The following ZNF608 variants were observed in gnomAD, a reference collection of about 807,000 sequenced individuals.
ZNF608 encodes renal carcinoma antigen NY-REN-36.
ZNF608 carries 12 observed loss-of-function variants against 109.0 expected under a neutral mutation model. The observed-to-expected ratio is 0.11, with a 90% CI of 0.07 to 0.18. The LOEUF is 0.18. Ranked by LOEUF, ZNF608 falls within the 10% of genes least tolerant of loss-of-function variation. The probability of loss-of-function intolerance (pLI) is 1.00; values close to 1 mark genes in which losing one functional copy is unlikely to be tolerated. For missense variants in ZNF608, 1,707 were observed against 1,879.3 expected, an observed-to-expected ratio of 0.91 and a Z score of 1.70; for synonymous variants, 732 against 717.4, an observed-to-expected ratio of 1.02 and a Z score of -0.33.
chr5:124,674,099 C>T (rs867641096), intron 3 of ZNF608, among the ~76,000 whole-genome samples: 2 of 152,162 alleles, frequency 1.3e-5, no homozygotes, highest in African/African-American at 2.4e-5. Context: ...TAAAAATCAT[C>T]GTGGAGCTTG....
chr5:124,664,582 C>T (rs1417485327), intron 3 of ZNF608, among the ~76,000 whole-genome samples: 1 of 152,114 alleles, frequency 6.6e-6, no homozygotes, highest in South Asian at 2.1e-4. Context: ...TCCTCAGAGC[C>T]TGTGTGTCAG....
chr5:124,642,214 TG>T (rs1243083952), intron 7 of ZNF608, among the ~76,000 whole-genome samples: 1 of 152,256 alleles, frequency 6.6e-6, no homozygotes, highest in African/African-American at 2.4e-5. Flanking sequence ...ATCCTATTTT[TG>T]TTTAGTCTCT....
At chr5:124,664,835 T>C (rs1213849712) in intron 3 of ZNF608, among the ~76,000 whole-genome samples, 1 of 152,198 alleles carries the variant, frequency 6.6e-6, no homozygotes, top group East Asian at 1.9e-4. Context: ...ATGATGATAG[T>C]GGTATGTTGG....
chr5:124,702,640 T>C (rs1753101114), intron 2 of ZNF608, among the ~76,000 whole-genome samples: 1 of 152,148 alleles, frequency 6.6e-6, no homozygotes, highest in Admixed American at 6.5e-5. Context: ...ATTTCTACAG[T>C]TTGCATTTCA....
At chr5:124,704,907 C>A (rs1753198251) in intron 2 of ZNF608, among the ~76,000 whole-genome samples, 1 of 152,024 alleles carries the variant, frequency 6.6e-6, no homozygotes. Flanking sequence ...GATGGCATCC[C>A]ACAAGCAGAA....
At chr5:124,699,825 T>C (rs1752981654) in intron 3 of ZNF608, among the ~76,000 whole-genome samples, 1 of 152,222 alleles carries the variant, frequency 6.6e-6, no homozygotes, top group South Asian at 2.1e-4. Flanking sequence ...TATCCTTAAC[T>C]ATTTTTTCTC....
At chr5:124,702,954 T>C (rs1433763813) in intron 2 of ZNF608, among the ~76,000 whole-genome samples, 1 of 152,156 alleles carries the variant, frequency 6.6e-6, no homozygotes, top group African/African-American at 2.4e-5. Context: ...AACAAAGGGG[T>C]TCTGAGAGAG....
At position 124,648,326 on chromosome 5, in the gene ZNF608, G is replaced by A. The variant is rs908770454; in HGVS notation, c.2058C>T (p.Cys686=). 10 of 1,614,082 alleles carry A rather than the reference G, an allele frequency of 6.2e-6. No individual in the cohort carries two copies. The highest frequency in any genetic ancestry group is 8.5e-6 in the Non-Finnish European group (10 of 1,180,042). Residue 686 remains cysteine (C), a synonymous_variant, in exon 5 of 10, where the codon TGC becomes TGT. Transcript: ENST00000513986. ...ISNMTAALDS[C]SAADGSLAAE... ...CAGCCAAACTGCCGTCTGCTGCCGA[G>A]CAACTGTCTAACGCAGCCGTCATGT...
chr5:124,691,703 A>G (rs950508653), intron 3 of ZNF608, among the ~76,000 whole-genome samples: 7 of 152,220 alleles, frequency 4.6e-5, no homozygotes, highest in African/African-American at 1.4e-4. Context: ...AGGATATTAC[A>G]TCAAGTGAAA....
intron 2 of ZNF608, among the ~76,000 whole-genome samples, chr5:124,708,358 G>A (rs751869441): frequency 1.3e-5 from 2 of 152,238 alleles, no homozygotes; most frequent in Non-Finnish European, 2.9e-5. Context: ...GTCACTCAGG[G>A]TCGGTGGCTG....
intron 3 of ZNF608, among the ~76,000 whole-genome samples, chr5:124,660,123 T>C (rs1283495348): frequency 1.3e-5 from 2 of 152,102 alleles, no homozygotes; most frequent in East Asian, 3.9e-4. Flanking sequence ...AAATTTAAAA[T>C]AGCAATTTAC....
intron 2 of ZNF608, among the ~76,000 whole-genome samples, chr5:124,713,267 T>C (rs1753571981): frequency 6.6e-6 from 1 of 152,232 alleles, no homozygotes. Context: ...TGAGCCTTTA[T>C]GAGAAGGAAT....
At chr5:124,717,988 C>T (rs534662385) in intron 2 of ZNF608, among the ~76,000 whole-genome samples, 1 of 152,178 alleles carries the variant, frequency 6.6e-6, no homozygotes, top group Non-Finnish European at 1.5e-5. Flanking sequence ...CACACCTTGA[C>T]GCAGGGGCTC....
At chr5:124,723,033 T>A (rs1368475667) in intron 2 of ZNF608, among the ~76,000 whole-genome samples, 12 of 137,162 alleles carry the variant, frequency 8.7e-5, no homozygotes, top group East Asian at 6.1e-4. Context: ...AAAAAAAAAA[T>A]TTTTTTTTTT....
intron 3 of ZNF608, among the ~76,000 whole-genome samples, chr5:124,658,868 G>C (rs1194459882): frequency 6.6e-6 from 1 of 152,138 alleles, no homozygotes; most frequent in African/African-American, 2.4e-5. Context: ...AAGGTATTTT[G>C]TAATTATTGA....
intron 3 of ZNF608, among the ~76,000 whole-genome samples, chr5:124,654,917 C>G (rs553601760): frequency 1.3e-5 from 2 of 152,254 alleles, no homozygotes; most frequent in African/African-American, 4.8e-5. Context: ...ATACATGGCC[C>G]CCATAATATT....
chr5:124,744,672 C>G lies in ZNF608; in HGVS notation c.318G>C (p.Val106=). ...NSHKETSKSK[V]KRSKTSKDAN... is the part of the protein sequence containing the mutation. Reference sequence around the variant, plus strand: ...CATCCTTAGAAGTTTTACTCCTTTTCACTTTTGATTTGCTGGTCTCTTTGT... The same window carrying G: ...CATCCTTAGAAGTTTTACTCCTTTTGACTTTTGATTTGCTGGTCTCTTTGT... Residue 106 remains valine, a synonymous_variant, in exon 2 of 10, where the codon GTG becomes GTC. Coordinates refer to ENST00000513986, the MANE Select transcript of ZNF608 (RefSeq NM_020747.3). This position sits in a 1 kb window ranked among gnomAD's most constrained non-coding sequence, Gnocchi z 4.5. 6.2e-7 allele frequency: 1 copy of G among 1,614,156 alleles called. No homozygotes were observed. The highest frequency in any genetic ancestry group is 8.5e-7 in the Non-Finnish European group (1 of 1,180,032).
rs769416527 is a variant in ZNF608 at position 124,648,078 on chromosome 5, G to A, written c.2306C>T (p.Pro769Leu). The A allele has an allele frequency of 6.2e-7, 1 of 1,614,170 alleles. No homozygotes were observed. The highest frequency in any genetic ancestry group is 1.1e-5 in the South Asian group (1 of 91,080). The part of the protein sequence containing the change: ...TTTTGTIPGL[P>L]SLTTTVVQAT... ...CTGAACAACAGTTGTTGTGAGGGAGGGCAGTCCGGGTATTGTCCCAGTGGT... is the reference window on the plus strand; with the variant it reads ...CTGAACAACAGTTGTTGTGAGGGAGAGCAGTCCGGGTATTGTCCCAGTGGT... The change falls in exon 5 of 10, where the codon CCC becomes CTC. Residue 769 changes from proline to leucine, a missense_variant. Coordinates refer to ENST00000513986, the MANE Select transcript of ZNF608 (RefSeq NM_020747.3).
intron 8 of ZNF608, among the ~76,000 whole-genome samples, chr5:124,640,151 C>G (rs927497505): frequency 6.6e-6 from 1 of 152,108 alleles, no homozygotes; most frequent in African/African-American, 2.4e-5. Flanking sequence ...TATCACTTCC[C>G]AGTTTTGGAA....
Sources: gnomAD v4.1 joint callset for allele counts (sites outside exome capture counted in the v4.1 genomes callset) on GRCh38, gnomAD v4.1.1 for gene constraint, Gnocchi (gnomAD v3.1) non-coding constraint, MANE v1.5 for transcripts, NCBI Gene and HGNC (gene_info 2026-07-23, HGNC 2026-07-21) for gene names.